The following SFMBT1 variants were observed in gnomAD, a reference collection of about 807,000 sequenced individuals.
The protein encoded by SFMBT1 is Scm like with four mbt domains 1.
SFMBT1 carries 32 observed loss-of-function variants against 108.7 expected under a neutral mutation model. The observed-to-expected ratio is 0.29, with a 90% confidence interval of 0.22 to 0.40. SFMBT1 has a LOEUF of 0.40. Among genes scored for constraint, SFMBT1 ranks in the 10% least tolerant of loss-of-function variants. The probability of loss-of-function intolerance (pLI) is 1.00; values close to 1 mark genes in which losing one functional copy is unlikely to be tolerated. For missense variants in SFMBT1, 816 were observed against 1,059.6 expected, an observed-to-expected ratio of 0.77 and a Z score of 3.19; for synonymous variants, 348 against 369.5, an observed-to-expected ratio of 0.94 and a Z score of 0.67.
At chr3:52,939,201 C>T (rs1313561003) in intron 4 of SFMBT1, among the ~76,000 whole-genome samples, 1 of 152,070 alleles carries the variant, frequency 6.6e-6, no homozygotes, top group Admixed American at 6.6e-5. Flanking sequence ...TGTAGCTGCC[C>T]TCATTTGATT....
intron 1 of SFMBT1, among the ~76,000 whole-genome samples, chr3:53,009,194 C>G (rs1268503838): frequency 6.6e-6 from 1 of 151,914 alleles, no homozygotes; most frequent in African/African-American, 2.4e-5. Context: ...TGCCTGTAAT[C>G]CCGGCACTTT....
intron 4 of SFMBT1, among the ~76,000 whole-genome samples, chr3:52,937,177 T>C (rs1703037784): frequency 6.6e-6 from 1 of 152,124 alleles, no homozygotes; most frequent in Non-Finnish European, 1.5e-5. Flanking sequence ...GCCTACCATA[T>C]ACAAACAACT....
chr3:52,963,863 T>G (rs1186688508), intron 2 of SFMBT1, among the ~76,000 whole-genome samples: 1 of 152,208 alleles, frequency 6.6e-6, no homozygotes, highest in South Asian at 2.1e-4. Flanking sequence ...TCTAAAATGT[T>G]GGTATTATTA....
chr3:52,933,220 T>C (rs1024504516), intron 5 of SFMBT1, among the ~76,000 whole-genome samples: 14 of 152,238 alleles, frequency 9.2e-5, no homozygotes. Context: ...TTTTATAGTA[T>C]TTTATGATAT....
chr3:52,948,825 AT>A (rs71615878), intron 3 of SFMBT1, among the ~76,000 whole-genome samples: 56 of 78,302 alleles, frequency 7.2e-4, no homozygotes, highest in East Asian at 1.2e-3. Flanking sequence ...CTAATTTTTA[AT>A]TTTTTTTTTT....
chr3:52,918,987 C>A (rs909299182), intron 12 of SFMBT1, among the ~76,000 whole-genome samples: 1 of 152,050 alleles, frequency 6.6e-6, no homozygotes, highest in Non-Finnish European at 1.5e-5. Context: ...AGATCCCTCA[C>A]GAGACAGTTC....
chr3:52,950,061 C>G (rs1312173081), intron 3 of SFMBT1, among the ~76,000 whole-genome samples: 2 of 152,140 alleles, frequency 1.3e-5, no homozygotes, highest in Non-Finnish European at 2.9e-5. Context: ...TAATCTCCAT[C>G]TTTTTAACAG....
intron 13 of SFMBT1, among the ~76,000 whole-genome samples, chr3:52,918,147 C>T (rs1338459934): frequency 6.6e-6 from 1 of 152,124 alleles, no homozygotes; most frequent in Non-Finnish European, 1.5e-5. Flanking sequence ...TTATTTTTTT[C>T]CACTGTGACA....
chr3:52,933,911 A>G (rs1406466774), intron 5 of SFMBT1, among the ~76,000 whole-genome samples: 1 of 152,210 alleles, frequency 6.6e-6, no homozygotes, highest in East Asian at 1.9e-4. Flanking sequence ...AAAAATGTTT[A>G]CGCTGCAAAC....
chr3:52,942,120 C>G (rs1703202717), intron 4 of SFMBT1, among the ~76,000 whole-genome samples: 3 of 151,998 alleles, frequency 2.0e-5, no homozygotes, highest in Non-Finnish European at 4.4e-5. Flanking sequence ...AACAAAAATA[C>G]TAGAAAGTGA....
chr3:52,913,198 C>T (rs751148329), intron 15 of SFMBT1, among the ~76,000 whole-genome samples: 1 of 152,216 alleles, frequency 6.6e-6, no homozygotes, highest in Non-Finnish European at 1.5e-5. Context: ...ATAGAGTAAC[C>T]TCACAGTTCA....
At chr3:52,962,268 C>T (rs1703984104) in intron 2 of SFMBT1, among the ~76,000 whole-genome samples, 1 of 152,100 alleles carries the variant, frequency 6.6e-6, no homozygotes, top group South Asian at 2.1e-4. Context: ...GGCAAAAATA[C>T]AAAAAGACAT....
At chr3:53,001,173 T>C (rs1014497199) in intron 1 of SFMBT1, among the ~76,000 whole-genome samples, 10 of 150,150 alleles carry the variant, frequency 6.7e-5, no homozygotes, top group Non-Finnish European at 1.5e-4. Flanking sequence ...AATATCAACA[T>C]GGGAGGGAAG....
At chr3:52,948,147 T>C (rs1023711706) in intron 3 of SFMBT1, among the ~76,000 whole-genome samples, 2 of 152,212 alleles carry the variant, frequency 1.3e-5, no homozygotes, top group Admixed American at 1.3e-4. Flanking sequence ...CACCTGGAAT[T>C]AATGAAGTTA....
intron 3 of SFMBT1, among the ~76,000 whole-genome samples, chr3:52,953,482 C>T (rs1459400521): frequency 1.3e-5 from 2 of 151,500 alleles, no homozygotes; most frequent in African/African-American, 4.8e-5. Context: ...AAATTATAAA[C>T]AAAATTTGGG....
intron 10 of SFMBT1, among the ~76,000 whole-genome samples, chr3:52,924,374 G>A (rs1702598795): frequency 6.6e-6 from 1 of 152,150 alleles, no homozygotes; most frequent in Non-Finnish European, 1.5e-5. Flanking sequence ...CGGCACAGTG[G>A]CTCACACTTG....
rs547091433 is a variant in SFMBT1, at chr3:52,958,015, G to A, written c.29-3604C>T. On this transcript the variant is annotated intron_variant, in intron 2 of 20. Coordinates refer to ENST00000394752, the MANE Select transcript of SFMBT1 (RefSeq NM_016329.4). ...TAGCAAAAGAAACAATCACCAGAGC[G>A]AACAGACAACCTAAAGAATGGGAGA... Among the ~76,000 whole-genome samples the A allele has an allele frequency of 1.1e-4, 17 of 152,196 alleles. No individual in the cohort carries two copies. In the East Asian group the frequency reaches 3.3e-3, roughly 29 times the overall value.
Position 52,928,206 on chromosome 3 carries a change from T to G in SFMBT1, c.1033A>C (p.Ile345Leu). The part of the protein sequence containing the change: ...VQWSLKNGLH[I>L]SPPPGYPSQD... ...GAATGTGCACCTGGAGGGGGGCTGA[T>G]GTGTAGGCCATTCTTCAGACTCCAC... The change falls in exon 9 of 21, where the codon ATC (isoleucine) becomes CTC (leucine). Residue 345 changes from isoleucine (I) to leucine (L), a missense_variant. Ile to Leu is a conservative substitution (Grantham distance 5). Transcript: ENST00000394752. The G allele has an allele frequency of 6.2e-7, 1 of 1,612,564 alleles. No individual in the cohort carries two copies.
At chr3:52,905,944 C>T (rs1393660631) in intron 20 of SFMBT1, among the ~76,000 whole-genome samples, 169 bp downstream of exon 20, 1 of 152,142 alleles carries the variant, frequency 6.6e-6, no homozygotes, top group Non-Finnish European at 1.5e-5. Context: ...TGAAGCAAGT[C>T]TGATAAATAA....
Sources: gnomAD v4.1 joint callset for allele counts (sites outside exome capture counted in the v4.1 genomes callset) on GRCh38, gnomAD v4.1.1 for gene constraint, MANE v1.5 for transcripts, NCBI Gene and HGNC (gene_info 2026-07-23, HGNC 2026-07-21) for gene names.